Variants in ANGPT1 observed in about 807,000 individuals in gnomAD.
ANGPT1 encodes the protein angiopoietin 1.
In ANGPT1, 17 loss-of-function variants were observed where a neutral mutation model predicts 62.2. That is an observed-to-expected ratio of 0.27 (90% confidence interval 0.19 to 0.41). The LOEUF (loss-of-function observed/expected upper bound fraction) is 0.41, where lower values mean the gene tolerates loss of function less well. ANGPT1 is among the 10% of genes least tolerant of loss of function. ANGPT1 has a pLI of 1.00. For synonymous variants in ANGPT1, 199 were observed against 198.9 expected, an observed-to-expected ratio of 1.00 and a Z score of 0.00; for missense variants, 478 against 594.9, an observed-to-expected ratio of 0.80 and a Z score of 2.04.
chr8:107,378,911 A>AAT (rs139171299), intron 1 of ANGPT1, among the ~76,000 whole-genome samples: 84,364 of 143,418 alleles, frequency 0.59, 24,186 homozygotes, highest in East Asian at 0.72. Flanking sequence ...AAAATGAACA[A>AAT]ATATATATAT....
intron 3 of ANGPT1, among the ~76,000 whole-genome samples, chr8:107,335,472 A>G (rs1815537318): frequency 6.6e-6 from 1 of 152,230 alleles, no homozygotes; most frequent in Non-Finnish European, 1.5e-5. Flanking sequence ...AATGACTTCA[A>G]AATAATACAC....
intron 1 of ANGPT1, among the ~76,000 whole-genome samples, chr8:107,448,752 A>G (rs895676380): frequency 6.6e-6 from 1 of 152,186 alleles, no homozygotes; most frequent in Non-Finnish European, 1.5e-5. Context: ...TGCAAAAAGA[A>G]CGTCTTTAGA....
rs1399154029 is a variant in ANGPT1, at chr8:107,322,107, T to C, written c.597A>G (p.Leu199=). 6.2e-6 allele frequency: 10 copies of C among 1,612,754 alleles called. No homozygotes were observed. The highest frequency in any genetic ancestry group is 8.5e-6 in the Non-Finnish European group (10 of 1,179,330). The change falls in exon 4 of 9, where the codon TTA becomes TTG. Residue 199 remains leucine (L), a synonymous_variant. Transcript: ENST00000517746. The part of the protein sequence containing the change: ...EKNSLLEHKI[L]EMEGKHKEEL... ...CTTCCTTGTGTTTTCCTTCCATTTCTAAGATTTTATGTTCTAATAAACTAC... is the reference window on the plus strand; with the variant it reads ...CTTCCTTGTGTTTTCCTTCCATTTCCAAGATTTTATGTTCTAATAAACTAC...
intron 1 of ANGPT1, among the ~76,000 whole-genome samples, chr8:107,405,719 C>G (rs1159906368): frequency 6.6e-6 from 1 of 151,884 alleles, no homozygotes; most frequent in Admixed American, 6.6e-5. Flanking sequence ...AAGAGATATT[C>G]AACTTGTAAT....
intron 1 of ANGPT1, among the ~76,000 whole-genome samples, chr8:107,451,504 T>C (rs893223814): frequency 1.3e-5 from 2 of 151,992 alleles, no homozygotes; most frequent in Admixed American, 6.6e-5. Flanking sequence ...TCAACAGTGT[T>C]GTAAATGCTT....
intron 1 of ANGPT1, among the ~76,000 whole-genome samples, chr8:107,358,061 A>G (rs1208294575): frequency 6.6e-6 from 1 of 152,164 alleles, no homozygotes; most frequent in African/African-American, 2.4e-5. Flanking sequence ...TGCTTAAATA[A>G]AGTAAAATAA....
intron 8 of ANGPT1, among the ~76,000 whole-genome samples, chr8:107,256,779 G>A (rs903841065): frequency 6.6e-6 from 1 of 152,246 alleles, no homozygotes; most frequent in Non-Finnish European, 1.5e-5. Flanking sequence ...TGAAAAAAAA[G>A]TTACCCTCTG....
intron 1 of ANGPT1, among the ~76,000 whole-genome samples, chr8:107,441,446 T>G (rs964014773): frequency 6.6e-6 from 1 of 152,192 alleles, no homozygotes; most frequent in South Asian, 2.1e-4. Flanking sequence ...TGAATTGCAC[T>G]AAGTCTCTTG....
intron 1 of ANGPT1, among the ~76,000 whole-genome samples, chr8:107,392,895 C>A (rs887731585): frequency 5.9e-5 from 9 of 152,086 alleles, no homozygotes; most frequent in Non-Finnish European, 2.9e-5. Flanking sequence ...ATATGAAGTT[C>A]CCATATGTGT....
chr8:107,492,337 T>C (rs77237250), intron 1 of ANGPT1, among the ~76,000 whole-genome samples: 428 of 152,266 alleles, frequency 2.8e-3, no homozygotes, highest in African/African-American at 4.3e-3. Context: ...TTACTAAATA[T>C]CTACTTTATT....
chr8:107,300,433 T>C (rs956311070), intron 5 of ANGPT1, among the ~76,000 whole-genome samples: 1 of 151,686 alleles, frequency 6.6e-6, no homozygotes, highest in Non-Finnish European at 1.5e-5. Flanking sequence ...TCTATGATTA[T>C]AATAGGGAAA....
chr8:107,344,791 C>T (rs2130151074), intron 2 of ANGPT1, among the ~76,000 whole-genome samples: 1 of 152,260 alleles, frequency 6.6e-6, no homozygotes, highest in East Asian at 1.9e-4. Context: ...ACCATGAGAG[C>T]ATGCCTGGAT....
chr8:107,369,527 A>C (rs1034878335), intron 1 of ANGPT1, among the ~76,000 whole-genome samples: 2 of 152,206 alleles, frequency 1.3e-5, no homozygotes, highest in Non-Finnish European at 2.9e-5. Flanking sequence ...TGTTGCAAGA[A>C]GCCTAGCTCT....
intron 8 of ANGPT1, among the ~76,000 whole-genome samples, chr8:107,259,327 T>C (rs1311403668): frequency 6.6e-6 from 1 of 152,160 alleles, no homozygotes; most frequent in Non-Finnish European, 1.5e-5. Flanking sequence ...GCTTCTATCA[T>C]TTTCTTTGTC....
At chr8:107,479,171 T>C (rs1453778682) in intron 1 of ANGPT1, among the ~76,000 whole-genome samples, 1 of 152,078 alleles carries the variant, frequency 6.6e-6, no homozygotes, top group Non-Finnish European at 1.5e-5. Flanking sequence ...TTAGAGATCA[T>C]GTGTGCAAGG....
chr8:107,257,876 G>GTTTTTTTTTTT (rs1371396961), intron 8 of ANGPT1, among the ~76,000 whole-genome samples: 38 of 85,248 alleles, frequency 4.5e-4, no homozygotes, highest in African/African-American at 6.5e-4. Context: ...ACTTGTTTTT[G>GTTTTTTTTTTT]TTTCTTTTTT....
intron 1 of ANGPT1, among the ~76,000 whole-genome samples, chr8:107,424,367 G>T (rs1172153146): frequency 2.0e-5 from 3 of 152,108 alleles, no homozygotes; most frequent in Non-Finnish European, 4.4e-5. Flanking sequence ...TCAAATTTTG[G>T]TTGGTGATCT....
chr8:107,309,788 G>A (rs1008765562), intron 4 of ANGPT1, among the ~76,000 whole-genome samples: 1 of 152,106 alleles, frequency 6.6e-6, no homozygotes, highest in Admixed American at 6.6e-5. Flanking sequence ...ATCTCAGCAT[G>A]ACTGTTTTTA....
intron 1 of ANGPT1, among the ~76,000 whole-genome samples, chr8:107,393,830 C>A (rs1451236469): frequency 2.6e-5 from 4 of 151,898 alleles, no homozygotes; most frequent in South Asian, 2.1e-4. Flanking sequence ...AACAAACAAA[C>A]AAAAAAATGG....
Sources: gnomAD v4.1 joint callset for allele counts (sites outside exome capture counted in the v4.1 genomes callset) on GRCh38, gnomAD v4.1.1 for gene constraint, MANE v1.5 for transcripts, NCBI Gene and HGNC (gene_info 2026-07-23, HGNC 2026-07-21) for gene names.